The following LRRC37A2 variants were observed in gnomAD, a reference collection of about 807,000 sequenced individuals.
The protein encoded by LRRC37A2 is leucine rich repeat containing 37 member A2.
In LRRC37A2, 9 loss-of-function variants were observed where a neutral mutation model predicts 68.8. That is an observed-to-expected ratio of 0.13 (90% confidence interval 0.08 to 0.23). The LOEUF is 0.23. Ranked by LOEUF, LRRC37A2 falls within the 10% of genes least tolerant of loss-of-function variation. The pLI, the probability that LRRC37A2 is intolerant of heterozygous loss-of-function variation, is 1.00. For synonymous variants in LRRC37A2, 63 were observed against 367.6 expected, an observed-to-expected ratio of 0.17 and a Z score of 9.48; for missense variants, 168 against 950.4, an observed-to-expected ratio of 0.18 and a Z score of 10.82.
the LRRC37A2 span, among the ~76,000 whole-genome samples, chr17:46,460,786 AAG>A: frequency 1.0e-5 from 1 of 99,644 alleles, no homozygotes; most frequent in Non-Finnish European, 2.2e-5. Context: ...GAAAGGAATT[AAG>A]AGAGAGTAAG....
At chr17:46,899,555 C>A in the LRRC37A2 span, among the ~76,000 whole-genome samples, 3 of 152,012 alleles carry the variant, frequency 2.0e-5, no homozygotes, top group Admixed American at 2.0e-4. Context: ...TATGAAATGT[C>A]CAGAATAGAA....
the LRRC37A2 span, among the ~76,000 whole-genome samples, chr17:46,808,880 G>A: frequency 3.9e-5 from 6 of 152,162 alleles, no homozygotes; most frequent in African/African-American, 1.4e-4. Flanking sequence ...ACAGCAGCCT[G>A]CTCAGGTCGA....
chr17:46,962,296 T>G, the LRRC37A2 span, among the ~76,000 whole-genome samples: 5 of 149,208 alleles, frequency 3.4e-5, no homozygotes, highest in African/African-American at 9.9e-5. Context: ...GCCACTGCAC[T>G]CCAACCTGGG....
At chr17:46,893,110 T>A in the LRRC37A2 span, among the ~76,000 whole-genome samples, 1 of 152,114 alleles carries the variant, frequency 6.6e-6, no homozygotes, top group Admixed American at 6.5e-5. Context: ...ATTTTTGTAT[T>A]GTTAGTAGAG....
the LRRC37A2 span, among the ~76,000 whole-genome samples, chr17:46,848,947 CACAG>C: frequency 6.6e-6 from 1 of 152,134 alleles, no homozygotes; most frequent in Non-Finnish European, 1.5e-5. Flanking sequence ...CACACACACA[CACAG>C]AGCTTGGTAC....
chr17:46,787,991 C>T, the LRRC37A2 span, among the ~76,000 whole-genome samples: 1 of 152,042 alleles, frequency 6.6e-6, no homozygotes, highest in South Asian at 2.1e-4. Flanking sequence ...AGCCTCCACC[C>T]TCCTCAGTGA....
At chr17:46,835,924 G>A in the LRRC37A2 span, among the ~76,000 whole-genome samples, 1 of 152,248 alleles carries the variant, frequency 6.6e-6, no homozygotes, top group Admixed American at 6.5e-5. Flanking sequence ...CTCTGGGACA[G>A]GACTCTCCTG....
the LRRC37A2 span, among the ~76,000 whole-genome samples, chr17:47,041,291 CTGT>C: frequency 0.024 from 110 of 4,564 alleles, no homozygotes; most frequent in Non-Finnish European, 0.029. Flanking sequence ...ACAAATCTCA[CTGT>C]TCTTACAGAA....
At chr17:47,017,924 A>C in the LRRC37A2 span, 1 of 1,611,560 alleles carries the variant, frequency 6.2e-7, no homozygotes, top group South Asian at 1.1e-5. Context: ...AAGCCCCAGC[A>C]CAGCTTCCAC....
At chr17:46,390,688 C>CA in the LRRC37A2 span, among the ~76,000 whole-genome samples, 2 of 63,954 alleles carry the variant, frequency 3.1e-5, no homozygotes, top group African/African-American at 1.1e-4. Flanking sequence ...GACTCTGTCT[C>CA]AAAAAAAGAA....
At chr17:46,491,051 C>T in the LRRC37A2 span, among the ~76,000 whole-genome samples, 253 of 150,740 alleles carry the variant, frequency 1.7e-3, 26 homozygotes, top group African/African-American at 5.8e-3. Context: ...CTCGCTGCCA[C>T]ACCCAGCTAA....
At chr17:46,959,548 GA>G in the LRRC37A2 span, among the ~76,000 whole-genome samples, 25 of 151,930 alleles carry the variant, frequency 1.6e-4, no homozygotes, top group African/African-American at 6.0e-4. Context: ...AGGTTTTTGG[GA>G]AAAAAACACT....
the LRRC37A2 span, chr17:46,929,596 A>T: frequency 1.5e-6 from 2 of 1,345,636 alleles, no homozygotes; most frequent in South Asian, 2.3e-5. Flanking sequence ...TGAGTAATTA[A>T]CTGTGGAGAC....
the LRRC37A2 span, among the ~76,000 whole-genome samples, chr17:46,927,372 T>C: frequency 6.6e-6 from 1 of 152,236 alleles, no homozygotes; most frequent in Admixed American, 6.5e-5. Flanking sequence ...TTTGTTTTCA[T>C]GTTGTCAGAT....
intron 8 of LRRC37A2, among the ~76,000 whole-genome samples, chr17:46,544,235 A>C (rs946383783): frequency 4.1e-5 from 1 of 24,226 alleles, no homozygotes; most frequent in African/African-American, 4.6e-4. Context: ...ACCCAAAGGA[A>C]TACTACTAGT....
the LRRC37A2 span, among the ~76,000 whole-genome samples, chr17:47,002,648 C>T: frequency 6.6e-6 from 1 of 152,184 alleles, no homozygotes; most frequent in African/African-American, 2.4e-5. Context: ...CCTCGGCCTC[C>T]CAAAGTGCTG....
the LRRC37A2 span, chr17:46,757,272 T>C: frequency 6.6e-6 from 1 of 152,538 alleles, no homozygotes; most frequent in African/African-American, 2.4e-5. Flanking sequence ...GATCCTGTGA[T>C]TCCTGGTGGC....
At chr17:47,007,599 A>G in the LRRC37A2 span, among the ~76,000 whole-genome samples, 1 of 152,258 alleles carries the variant, frequency 6.6e-6, no homozygotes, top group Non-Finnish European at 1.5e-5. Flanking sequence ...GGAAAATCAG[A>G]TACATCAAAT....
chr17:46,843,752 G>C, the LRRC37A2 span, among the ~76,000 whole-genome samples: 1 of 152,102 alleles, frequency 6.6e-6, no homozygotes, highest in Non-Finnish European at 1.5e-5. Flanking sequence ...AACAATACCT[G>C]GTGTAATGTA....
Sources: gnomAD v4.1 joint callset for allele counts (sites outside exome capture counted in the v4.1 genomes callset) on GRCh38, gnomAD v4.1.1 for gene constraint, MANE v1.5 for transcripts, NCBI Gene and HGNC (gene_info 2026-07-23, HGNC 2026-07-21) for gene names.